Variants in RANBP2 observed in about 807,000 individuals in gnomAD.
RANBP2 encodes the protein E3 SUMO-protein ligase RanBP2.
A neutral mutation model predicts 303.6 loss-of-function variants in RANBP2; 57 were observed. That is an observed-to-expected ratio of 0.19 (90% CI 0.15 to 0.23). The LOEUF (loss-of-function observed/expected upper bound fraction) is 0.23, where lower values mean the gene tolerates loss of function less well. Among genes scored for constraint, RANBP2 ranks in the 10% least tolerant of loss-of-function variants. The probability of loss-of-function intolerance (pLI) is 1.00; values close to 1 mark genes in which losing one functional copy is unlikely to be tolerated. For synonymous variants in RANBP2, 1,167 were observed against 1,301.5 expected (o/e 0.90, Z 2.23); for missense variants, 3,138 against 3,780.8 (o/e 0.83, Z 4.46).
the RANBP2 span, chr2:108,906,496 T>C: frequency 1.1e-6 from 1 of 951,876 alleles, no homozygotes; most frequent in South Asian, 1.4e-5. Context: ...ACAGCCCCCG[T>C]GTCAGCAGCC....
the RANBP2 span, among the ~76,000 whole-genome samples, chr2:109,381,532 C>T: frequency 6.6e-6 from 1 of 152,088 alleles, no homozygotes; most frequent in Non-Finnish European, 1.5e-5. Flanking sequence ...GTGGCCATCA[C>T]GGTGCCCTGA....
At chr2:109,482,405 CT>C in the RANBP2 span, among the ~76,000 whole-genome samples, 1 of 152,216 alleles carries the variant, frequency 6.6e-6, no homozygotes, top group Non-Finnish European at 1.5e-5. Flanking sequence ...GGACACCCAG[CT>C]CCATCTGTTG....
At chr2:109,726,058 G>GGTGGGTGT in the RANBP2 span, among the ~76,000 whole-genome samples, 2 of 137,030 alleles carry the variant, frequency 1.5e-5, no homozygotes, top group Non-Finnish European at 3.1e-5. Flanking sequence ...TTTTGCTTTT[G>GGTGGGTGT]GTGTGTGTGT....
At chr2:109,063,896 G>A in the RANBP2 span, among the ~76,000 whole-genome samples, 36,568 of 151,754 alleles carry the variant, frequency 0.24, 4,749 homozygotes, top group Middle Eastern at 0.32. Context: ...TTAGGGATTC[G>A]GCAATAATTG....
At chr2:109,721,836 G>T in the RANBP2 span, among the ~76,000 whole-genome samples, 5 of 152,176 alleles carry the variant, frequency 3.3e-5, no homozygotes, top group Non-Finnish European at 7.3e-5. Context: ...TCTCCTGAGC[G>T]AGCAGCCACC....
chr2:109,558,415 C>T, the RANBP2 span, among the ~76,000 whole-genome samples: 1 of 152,148 alleles, frequency 6.6e-6, no homozygotes, highest in Non-Finnish European at 1.5e-5. Context: ...ACAGGTCCCA[C>T]AATACTTCAA....
At chr2:109,371,785 G>C in the RANBP2 span, 2 of 953,496 alleles carry the variant, frequency 2.1e-6, no homozygotes, top group East Asian at 5.2e-5. Flanking sequence ...GAGAGAAAGA[G>C]GATCCTCCAC....
chr2:109,199,358 T>TCAACC, the RANBP2 span, among the ~76,000 whole-genome samples: 1 of 2,530 alleles, frequency 4.0e-4, no homozygotes, highest in African/African-American at 9.5e-4. Flanking sequence ...TGGAATGGAA[T>TCAACC]GGAATGGAAT....
At chr2:109,266,049 T>G in the RANBP2 span, among the ~76,000 whole-genome samples, 1 of 151,974 alleles carries the variant, frequency 6.6e-6, no homozygotes, top group Non-Finnish European at 1.5e-5. Flanking sequence ...GTGTGTTGTA[T>G]GTGCATGTGT....
chr2:109,427,323 G>A, the RANBP2 span, among the ~76,000 whole-genome samples: 9 of 152,056 alleles, frequency 5.9e-5, no homozygotes, highest in African/African-American at 4.8e-5. Flanking sequence ...TAATGCTATC[G>A]CATACTTAAT....
the RANBP2 span, among the ~76,000 whole-genome samples, chr2:109,602,301 A>G: frequency 6.8e-6 from 1 of 146,178 alleles, no homozygotes; most frequent in African/African-American, 2.6e-5. Context: ...GATTAAGGAC[A>G]ATAAAATTAA....
the RANBP2 span, among the ~76,000 whole-genome samples, chr2:109,644,816 C>A: frequency 7.2e-5 from 11 of 152,316 alleles, no homozygotes; most frequent in East Asian, 1.2e-3. Flanking sequence ...CCTGCCTCCC[C>A]CCGGCTGCTT....
the RANBP2 span, chr2:108,929,172 G>A: frequency 1.9e-6 from 3 of 1,613,392 alleles, no homozygotes; most frequent in Non-Finnish European, 2.5e-6. Flanking sequence ...AGCATGCCAG[G>A]GTTTGCCAGG....
At chr2:108,830,512 G>T in the RANBP2 span, among the ~76,000 whole-genome samples, 1 of 152,144 alleles carries the variant, frequency 6.6e-6, no homozygotes, top group Admixed American at 6.5e-5. Flanking sequence ...GCAGAAGTTA[G>T]GCAATTTGAC....
the RANBP2 span, among the ~76,000 whole-genome samples, chr2:109,530,715 T>C: frequency 5.3e-4 from 80 of 152,174 alleles, no homozygotes; most frequent in African/African-American, 1.6e-3. Context: ...ACACTGAAAA[T>C]TGAATTATTT....
chr2:109,072,122 T>C, the RANBP2 span, among the ~76,000 whole-genome samples: 1 of 152,198 alleles, frequency 6.6e-6, no homozygotes, highest in Non-Finnish European at 1.5e-5. Flanking sequence ...ATATGCAATG[T>C]TATTTAAAAA....
the RANBP2 span, among the ~76,000 whole-genome samples, chr2:109,369,525 G>A: frequency 6.6e-6 from 1 of 152,184 alleles, no homozygotes; most frequent in Non-Finnish European, 1.5e-5. Context: ...GGAAAAAGTG[G>A]CATTGTAAAG....
chr2:109,037,707 C>G, the RANBP2 span, among the ~76,000 whole-genome samples: 1 of 152,118 alleles, frequency 6.6e-6, no homozygotes, highest in Non-Finnish European at 1.5e-5. Context: ...CCATTTATGA[C>G]AGTTCCAAAG....
At chr2:109,673,149 G>A in the RANBP2 span, among the ~76,000 whole-genome samples, 1 of 152,180 alleles carries the variant, frequency 6.6e-6, no homozygotes, top group Non-Finnish European at 1.5e-5. Context: ...ACTGGGCATA[G>A]AGTCAGCAGA....
Sources: allele counts gnomAD v4.1 joint callset (sites outside exome capture counted in the v4.1 genomes callset), GRCh38; gene constraint gnomAD v4.1.1; transcripts MANE v1.5; gene names NCBI Gene and HGNC (gene_info 2026-07-23, HGNC 2026-07-21).